The following PEPD variants were observed in gnomAD, a reference collection of about 807,000 sequenced individuals.
PEPD encodes the protein xaa-Pro dipeptidase.
A neutral mutation model predicts 60.7 loss-of-function variants in PEPD; 53 were observed. The observed-to-expected ratio is 0.87, with a 90% CI of 0.70 to 1.10. PEPD has a LOEUF of 1.10. Ranked by LOEUF, PEPD falls within the 50% of genes least tolerant of loss-of-function variation. PEPD has a pLI of 0.00. For missense variants in PEPD, 711 were observed against 711.9 expected (o/e 1.00, Z 0.01); for synonymous variants, 267 against 284.1 (o/e 0.94, Z 0.60).
chr19:33,480,547 A>G (rs1970294028), intron 6 of PEPD, among the ~76,000 whole-genome samples: 1 of 152,230 alleles, frequency 6.6e-6, no homozygotes, highest in South Asian at 2.1e-4. Context: ...CTGTAATCGC[A>G]GCACTTTGGG....
At chr19:33,414,789 T>C (rs1266251956) in intron 9 of PEPD, among the ~76,000 whole-genome samples, 1 of 152,248 alleles carries the variant, frequency 6.6e-6, no homozygotes, top group Non-Finnish European at 1.5e-5. Flanking sequence ...CTGTGGTAGA[T>C]TCAATGGGCT....
At chr19:33,500,004 G>T (rs1359621339) in intron 4 of PEPD, among the ~76,000 whole-genome samples, 1 of 152,254 alleles carries the variant, frequency 6.6e-6, no homozygotes, top group Admixed American at 6.5e-5. Flanking sequence ...TTGGCCGCCA[G>T]AACTGGCTCC....
chr19:33,449,505 G>A (rs1179185241), intron 9 of PEPD, among the ~76,000 whole-genome samples: 1 of 152,166 alleles, frequency 6.6e-6, no homozygotes, highest in Admixed American at 6.5e-5. Flanking sequence ...GCCACAAAAT[G>A]CACACAAGAA....
chr19:33,408,017 C>G (rs1027780910), intron 11 of PEPD, among the ~76,000 whole-genome samples: 2 of 152,232 alleles, frequency 1.3e-5, no homozygotes, highest in African/African-American at 4.8e-5. Context: ...AAGCAGGAAC[C>G]AGGGTGTCTG....
In PEPD at chr19:33,411,765, G is replaced by A; in HGVS notation, c.741-16C>T. 1.9e-6 allele frequency: 3 copies of A among 1,552,428 alleles called. No individual in the cohort carries two copies. Among genetic ancestry groups the A allele is most frequent in the Non-Finnish European group, 2.7e-6 (3 of 1,125,700 alleles). On this transcript the variant is annotated splice_polypyrimidine_tract_variant and intron_variant, in intron 10 of 14. Transcript: ENST00000244137. ...GTTCTCACCACTGCAAAGAGCCGGG[G>A]GAGGGTGATCAAAGCCCATTCTTCT... is the stretch of plus-strand genomic sequence containing the variant.
At chr19:33,520,236 G>A (rs551246432) in intron 1 of PEPD, among the ~76,000 whole-genome samples, 1 of 152,244 alleles carries the variant, frequency 6.6e-6, no homozygotes, top group Non-Finnish European at 1.5e-5. Context: ...TGAGCACCGA[G>A]CCAGCCTAAC....
In PEPD at chr19:33,493,321, G is replaced by T. The variant is rs188930796; in HGVS notation, c.410C>A (p.Thr137Lys). 5 of 1,613,228 alleles carry T rather than the reference G, an allele frequency of 3.1e-6. No homozygotes were observed. The highest frequency in any genetic ancestry group is 4.2e-6 in the Non-Finnish European group (5 of 1,179,314). Residue 137 changes from threonine (T) to lysine (K), a missense_variant, in exon 5 of 15, where the codon ACG becomes AAG. By Grantham distance (78) the Thr-to-Lys change is moderately conservative (BLOSUM62 -1). Coordinates refer to ENST00000244137, the MANE Select transcript of PEPD (RefSeq NM_000285.4). ...QYVDEIASVL[T>K]SQKPSVLLTL... Reference sequence around the variant, plus strand: ...GAGGAGGACAGAGGGCTTCTGTGACGTCAGGACGCTGGCAATCTAGAAGGT... The same window carrying T: ...GAGGAGGACAGAGGGCTTCTGTGACTTCAGGACGCTGGCAATCTAGAAGGT...
intron 10 of PEPD, among the ~76,000 whole-genome samples, chr19:33,413,243 T>C (rs1968816577): frequency 6.6e-6 from 1 of 152,204 alleles, no homozygotes; most frequent in Admixed American, 6.5e-5. Context: ...CCCCACATGC[T>C]GTGTGTGTGC....
In PEPD at chr19:33,388,007, G is replaced by A. The variant is rs1968119329; in HGVS notation, c.1227C>T (p.Leu409=). 1.9e-6 allele frequency: 3 copies of A among 1,575,218 alleles called. No homozygotes were observed. The highest frequency in any genetic ancestry group is 2.6e-6 in the Non-Finnish European group (3 of 1,160,668). ...TGAAGTAGATGCCCGGCTCCACGGT[G>A]AGCACCATGCCTGGCTGCAGGTGCC... ...TARHLQPGMV[L]TVEPGIYFID... The change falls in exon 14 of 15, where the codon CTC becomes CTT. Residue 409 remains leucine (L), a synonymous_variant. Transcript: ENST00000244137.
At chr19:33,411,559 T>C in intron 11 of PEPD, 113 bp downstream of exon 11, 1 of 717,504 alleles carries the variant, frequency 1.4e-6, no homozygotes. Flanking sequence ...AGGGACTTGC[T>C]GTGGTCAGCC....
chr19:33,510,424 CA>C (rs1222926018), intron 3 of PEPD, among the ~76,000 whole-genome samples: 2 of 152,300 alleles, frequency 1.3e-5, no homozygotes, highest in East Asian at 3.9e-4. Flanking sequence ...AGTATATATG[CA>C]GAGGCTGGAA....
chr19:33,491,760 T>C (rs1970504655), intron 5 of PEPD, among the ~76,000 whole-genome samples: 2 of 152,170 alleles, frequency 1.3e-5, no homozygotes, highest in African/African-American at 4.8e-5. Context: ...TGTGGAATGC[T>C]GAGAAAGGTA....
chr19:33,510,277 G>A (rs1478180586), intron 3 of PEPD, among the ~76,000 whole-genome samples: 1 of 152,196 alleles, frequency 6.6e-6, no homozygotes, highest in Non-Finnish European at 1.5e-5. Context: ...CACGTGGAGT[G>A]GTTTTAAGGA....
At chr19:33,408,117 T>C (rs1968676998) in intron 11 of PEPD, among the ~76,000 whole-genome samples, 1 of 152,068 alleles carries the variant, frequency 6.6e-6, no homozygotes, top group Admixed American at 6.5e-5. Flanking sequence ...GACGGAGCAG[T>C]AGGAGGGGGG....
At chr19:33,502,987 C>G (rs1267418092) in intron 3 of PEPD, among the ~76,000 whole-genome samples, 1 of 150,456 alleles carries the variant, frequency 6.6e-6, no homozygotes, top group Non-Finnish European at 1.5e-5. Context: ...GGATAATGTG[C>G]CTGGAGAACC....
intron 7 of PEPD, among the ~76,000 whole-genome samples, chr19:33,464,770 C>G (rs1184081894): frequency 6.6e-6 from 1 of 152,118 alleles, no homozygotes; most frequent in Non-Finnish European, 1.5e-5. Context: ...TCCAGGTCCT[C>G]CCAACAAACT....
intron 14 of PEPD, 124 bp from the exon 15 acceptor site, chr19:33,387,605 G>T: frequency 1.6e-6 from 2 of 1,287,850 alleles, no homozygotes; most frequent in Non-Finnish European, 2.2e-6. Flanking sequence ...TGGGAGACGG[G>T]TGGCCTCCGG....
At chr19:33,506,224 A>C (rs1482625067) in intron 3 of PEPD, among the ~76,000 whole-genome samples, 2 of 143,258 alleles carry the variant, frequency 1.4e-5, no homozygotes, top group East Asian at 4.2e-4. Context: ...CACACTACAC[A>C]CACACCCACA....
chr19:33,406,639 GGTGGA>G (rs1249752487), intron 11 of PEPD, among the ~76,000 whole-genome samples: 1 of 152,196 alleles, frequency 6.6e-6, no homozygotes, highest in African/African-American at 2.4e-5. Flanking sequence ...TTGGGCCCCA[GGTGGA>G]GTGGGGCAAG....
Sources: allele counts gnomAD v4.1 joint callset (sites outside exome capture counted in the v4.1 genomes callset), GRCh38; gene constraint gnomAD v4.1.1; transcripts MANE v1.5; gene names NCBI Gene and HGNC (gene_info 2026-07-23, HGNC 2026-07-21).